The following KHDRBS2 variants were observed in gnomAD, a reference collection of about 807,000 sequenced individuals.
KHDRBS2 encodes KH domain-containing, RNA-binding, signal transduction-associated protein 2.
In KHDRBS2, 26 loss-of-function variants were observed where a neutral mutation model predicts 44.3. The observed-to-expected ratio is 0.59, with a 90% CI of 0.43 to 0.81. KHDRBS2 has a LOEUF of 0.81. KHDRBS2 is among the 40% of genes least tolerant of loss of function. KHDRBS2 has a pLI of 0.00. For synonymous variants in KHDRBS2, 194 were observed against 151.1 expected, an observed-to-expected ratio of 1.28 and a Z score of -2.08; for missense variants, 476 against 433.1, an observed-to-expected ratio of 1.10 and a Z score of -0.88.
chr6:61,782,124 A>C (rs1184547675), intron 6 of KHDRBS2, among the ~76,000 whole-genome samples: 3 of 151,944 alleles, frequency 2.0e-5, no homozygotes, highest in Non-Finnish European at 4.4e-5. Context: ...TTGGCTGGGG[A>C]TATTCGGGCT....
intron 4 of KHDRBS2, among the ~76,000 whole-genome samples, chr6:61,964,115 G>A (rs184458993): frequency 7.2e-4 from 110 of 151,988 alleles, no homozygotes; most frequent in East Asian, 3.9e-3. Context: ...ACTGCGGCTC[G>A]TTACCACAAG....
At chr6:61,763,217 G>T (rs758356771) in intron 6 of KHDRBS2, among the ~76,000 whole-genome samples, 15 of 152,158 alleles carry the variant, frequency 9.9e-5, no homozygotes, top group Non-Finnish European at 2.1e-4. Context: ...CCGACAGTAA[G>T]GGTGTTTGTT....
intron 7 of KHDRBS2, among the ~76,000 whole-genome samples, chr6:61,727,010 T>C (rs1773686884): frequency 6.6e-6 from 1 of 152,136 alleles, no homozygotes; most frequent in South Asian, 2.1e-4. Context: ...TCACGCTACC[T>C]GAATTCAAGC....
intron 6 of KHDRBS2, among the ~76,000 whole-genome samples, chr6:61,838,255 A>T (rs1793035086): frequency 6.6e-6 from 1 of 152,032 alleles, no homozygotes; most frequent in Admixed American, 6.6e-5. Flanking sequence ...TGTTAAACAT[A>T]TTTTGTAAAT....
At chr6:61,676,425 A>G (rs560273626), downstream of KHDRBS2, among the ~76,000 whole-genome samples, 1 of 151,850 alleles carries the variant, frequency 6.6e-6, no homozygotes, top group Admixed American at 6.6e-5. Flanking sequence ...TCAGGGATTT[A>G]TTTTTCCCCT....
chr6:61,983,419 C>T (rs1200388130), intron 3 of KHDRBS2, among the ~76,000 whole-genome samples: 4 of 151,552 alleles, frequency 2.6e-5, no homozygotes, highest in Non-Finnish European at 4.4e-5. Context: ...ACAAAGGCCT[C>T]TTGGGAAAAC....
intron 4 of KHDRBS2, among the ~76,000 whole-genome samples, chr6:61,966,061 T>C (rs1315212518): frequency 1.3e-5 from 2 of 151,996 alleles, no homozygotes; most frequent in Admixed American, 6.6e-5. Flanking sequence ...ACTGTTATGA[T>C]TGATATCAGG....
intron 6 of KHDRBS2, among the ~76,000 whole-genome samples, chr6:61,839,646 A>AT (rs1250558797): frequency 6.6e-6 from 1 of 152,078 alleles, no homozygotes; most frequent in African/African-American, 2.4e-5. Flanking sequence ...TTGGGGGATA[A>AT]TATCATCAGC....
At chr6:62,220,258 T>C (rs1222077226) in intron 1 of KHDRBS2, among the ~76,000 whole-genome samples, 2 of 151,864 alleles carry the variant, frequency 1.3e-5, no homozygotes, top group Non-Finnish European at 3.0e-5. Context: ...AACAAACTTG[T>C]ACAATTTAAA....
chr6:61,600,497 A>G, the KHDRBS2 span, among the ~76,000 whole-genome samples: 1 of 151,904 alleles, frequency 6.6e-6, no homozygotes, highest in Non-Finnish European at 1.5e-5. Flanking sequence ...ACCCACCCAA[A>G]TCTTATAAAA....
intron 6 of KHDRBS2, among the ~76,000 whole-genome samples, chr6:61,771,273 A>G (rs534538747): frequency 1.3e-5 from 2 of 152,332 alleles, no homozygotes; most frequent in Admixed American, 1.3e-4. Context: ...AAGAAAGTGC[A>G]TCAACTAATG....
At chr6:61,663,256 G>A in the KHDRBS2 span, among the ~76,000 whole-genome samples, 1 of 79,866 alleles carries the variant, frequency 1.3e-5, no homozygotes, top group Admixed American at 1.7e-4. Flanking sequence ...GTTGTGGGGT[G>A]GGGGGAGGGG....
chr6:62,176,842 G>A (rs551762038), intron 2 of KHDRBS2, among the ~76,000 whole-genome samples: 28 of 151,186 alleles, frequency 1.9e-4, no homozygotes, highest in Middle Eastern at 3.4e-3. Flanking sequence ...ACTCTACTCC[G>A]TTTTATAGTA....
intron 1 of KHDRBS2, among the ~76,000 whole-genome samples, chr6:62,198,667 G>A (rs1826218973): frequency 6.6e-6 from 1 of 152,156 alleles, no homozygotes; most frequent in Admixed American, 6.6e-5. Flanking sequence ...ACAAGGAGGA[G>A]CTGGTAGCAT....
At chr6:62,200,934 A>G (rs1403340340) in intron 1 of KHDRBS2, among the ~76,000 whole-genome samples, 1 of 152,156 alleles carries the variant, frequency 6.6e-6, no homozygotes, top group Non-Finnish European at 1.5e-5. Flanking sequence ...TGTTCTTTGT[A>G]GGGGCATGGA....
chr6:62,090,794 T>C (rs1799355406), intron 2 of KHDRBS2, among the ~76,000 whole-genome samples: 1 of 152,122 alleles, frequency 6.6e-6, no homozygotes, highest in Non-Finnish European at 1.5e-5. Context: ...CAATGTTCTG[T>C]TATTGCTTTA....
chr6:61,769,506 G>A (rs2127575655), intron 6 of KHDRBS2, among the ~76,000 whole-genome samples: 2 of 152,306 alleles, frequency 1.3e-5, no homozygotes, highest in Non-Finnish European at 2.9e-5. Context: ...GGCACACCAG[G>A]AGATTATATC....
chr6:62,195,736 T>C (rs1202278177), intron 1 of KHDRBS2, among the ~76,000 whole-genome samples: 7 of 152,100 alleles, frequency 4.6e-5, no homozygotes, highest in East Asian at 1.9e-4. Context: ...AAAGTGTGCA[T>C]AGTCCAGCTA....
intron 4 of KHDRBS2, among the ~76,000 whole-genome samples, chr6:61,966,953 G>A (rs912458213): frequency 4.6e-5 from 7 of 151,416 alleles, no homozygotes; most frequent in Non-Finnish European, 1.0e-4. Context: ...ACATTCAGTC[G>A]ATTTATTTTA....
Sources: gnomAD v4.1 joint callset for allele counts (sites outside exome capture counted in the v4.1 genomes callset) on GRCh38, gnomAD v4.1.1 for gene constraint, MANE v1.5 for transcripts, NCBI Gene and HGNC (gene_info 2026-07-23, HGNC 2026-07-21) for gene names.